Variants in THAP4 observed in about 807,000 individuals in gnomAD.
The protein encoded by THAP4 is THAP domain containing 4.
THAP4 carries 18 observed loss-of-function variants against 48.1 expected under a neutral mutation model. The ratio of observed to expected loss-of-function variants is 0.37; its 90% confidence interval spans 0.26 to 0.56. The LOEUF (loss-of-function observed/expected upper bound fraction) is 0.56, where lower values mean the gene tolerates loss of function less well. THAP4 is among the 20% of genes least tolerant of loss of function. The probability of loss-of-function intolerance (pLI) is 0.78; values close to 1 mark genes in which losing one functional copy is unlikely to be tolerated. For synonymous variants in THAP4, 345 were observed against 324.9 expected, an observed-to-expected ratio of 1.06 and a Z score of -0.66; for missense variants, 656 against 774.9, an observed-to-expected ratio of 0.85 and a Z score of 1.82.
chr2:241,636,900 CCGGGTCGGGG>C (rs1559239532), intron 1 of THAP4, 31 bp downstream of exon 1: 1 of 1,135,088 alleles, frequency 8.8e-7, no homozygotes, highest in Non-Finnish European at 1.1e-6. Context: ...CCCCGCAGGG[CCGGGTCGGGG>C]CGGGGGCGTG....
intron 5 of THAP4, among the ~76,000 whole-genome samples, chr2:241,595,717 C>G (rs1467050523): frequency 6.6e-6 from 1 of 152,206 alleles, no homozygotes; most frequent in East Asian, 1.9e-4. Context: ...ACAAACAAGG[C>G]AGCAGCAGTC....
intron 2 of THAP4, among the ~76,000 whole-genome samples, chr2:241,609,506 G>T (rs1026817684): frequency 1.3e-5 from 2 of 152,184 alleles, no homozygotes; most frequent in Non-Finnish European, 2.9e-5. Context: ...GCTTTGGGCC[G>T]GGCGCAATGG....
chr2:241,636,432 G>C (rs1015538610), intron 1 of THAP4, among the ~76,000 whole-genome samples: 5 of 152,204 alleles, frequency 3.3e-5, no homozygotes, highest in African/African-American at 9.6e-5. Flanking sequence ...GGCTCTAAGG[G>C]AGCGCAGGAG....
At chr2:241,588,665 C>G (rs181155609) in intron 5 of THAP4, among the ~76,000 whole-genome samples, 1 of 152,232 alleles carries the variant, frequency 6.6e-6, no homozygotes, top group African/African-American at 2.4e-5. Flanking sequence ...GCACTGCATA[C>G]TTTAATAAAT....
chr2:241,600,453 C>T (rs1471229325), intron 5 of THAP4, among the ~76,000 whole-genome samples: 1 of 152,006 alleles, frequency 6.6e-6, no homozygotes, highest in African/African-American at 2.4e-5. Flanking sequence ...ACAGGCTGGG[C>T]GCGGTGGCTC....
chr2:241,600,261 T>C (rs1476486403), intron 5 of THAP4, among the ~76,000 whole-genome samples: 1 of 152,184 alleles, frequency 6.6e-6, no homozygotes, highest in Non-Finnish European at 1.5e-5. Context: ...TTAATGTATG[T>C]ATGACATTCC....
At chr2:241,598,200 C>T (rs557202504) in intron 5 of THAP4, among the ~76,000 whole-genome samples, 4 of 152,232 alleles carry the variant, frequency 2.6e-5, no homozygotes, top group African/African-American at 7.2e-5. Flanking sequence ...CAAGTAAGAA[C>T]GTGGAGAGAC....
At chr2:241,614,356 G>A (rs558312264) in intron 2 of THAP4, among the ~76,000 whole-genome samples, 1 of 152,200 alleles carries the variant, frequency 6.6e-6, no homozygotes, top group South Asian at 2.1e-4. Context: ...TGGCTCTCCC[G>A]AATGAAGGGC....
At chr2:241,635,594 C>A (rs987616275) in intron 1 of THAP4, among the ~76,000 whole-genome samples, 3 of 151,902 alleles carry the variant, frequency 2.0e-5, no homozygotes, top group Non-Finnish European at 4.4e-5. Context: ...ATGGTGAAAC[C>A]CTGTCTCTAC....
chr2:241,630,128 C>T (rs555345994), intron 2 of THAP4, among the ~76,000 whole-genome samples: 5 of 152,276 alleles, frequency 3.3e-5, no homozygotes, highest in African/African-American at 4.8e-5. Context: ...TTGCTCCCCT[C>T]GCCCAATCTG....
chr2:241,616,068 A>T lies in THAP4; in HGVS notation c.1241-9595T>A, dbSNP rs1016854075. Among the ~76,000 whole-genome samples, 1 of 152,222 alleles carries T rather than the reference A, an allele frequency of 6.6e-6. No individual in the cohort carries two copies. The highest frequency in any genetic ancestry group is 1.5e-5 in the Non-Finnish European group (1 of 68,036). The stretch of plus-strand genomic sequence containing the variant: ...GGAGAACTCAGTCAGGGGGCTGGCA[A>T]GGACAGGTGAGCACAGCTGGCTCCT... On this transcript the variant is annotated intron_variant, in intron 2 of 5. Transcript: ENST00000407315. This position sits in a 1 kb window ranked among gnomAD's most constrained non-coding sequence, Gnocchi z 4.6.
chr2:241,584,632 C>G lies in THAP4; in HGVS notation c.1708G>C (p.Val570Leu), dbSNP rs146567363. 1 of 1,614,082 alleles carries G rather than the reference C, an allele frequency of 6.2e-7. No individual in the cohort carries two copies. The highest frequency in any genetic ancestry group is 8.5e-7 in the Non-Finnish European group (1 of 1,180,022). Residue 570 changes from valine to leucine, a missense_variant, in exon 6 of 6, where the codon GTC becomes CTC. Physicochemically the swap from Val to Leu is conservative, Grantham distance 32. Around this residue, in one of 4 missense-constraint regions of THAP4, gnomAD observed 176 missense variants for 256.7 expected, o/e 0.69. Coordinates refer to ENST00000407315, the MANE Select transcript of THAP4 (RefSeq NM_015963.6). ...TTQPMTQHLHVTYKKVTP is the reference protein window; with the variant it reads ...TTQPMTQHLHLTYKKVTP ...TACGGGGTCACCTTCTTGTAGGTGA[C>G]GTGAAGATGCTGAGTCATTGGCTGT...
intron 2 of THAP4, among the ~76,000 whole-genome samples, chr2:241,608,597 C>G (rs141318838): frequency 1.3e-5 from 2 of 152,198 alleles, no homozygotes; most frequent in African/African-American, 2.4e-5. Context: ...GCCTCTGGAA[C>G]GAGGCTTGTG....
At chr2:241,621,672 T>C (rs1258277205) in intron 2 of THAP4, among the ~76,000 whole-genome samples, 1 of 151,942 alleles carries the variant, frequency 6.6e-6, no homozygotes, top group Non-Finnish European at 1.5e-5. Flanking sequence ...TACATGAGCA[T>C]AATGGGAATG....
Position 241,633,032 on chromosome 2 carries a change from G to A in THAP4, c.1125C>T (p.Ser375=), listed in dbSNP as rs1016866431. 6 of 1,613,722 alleles carry A rather than the reference G, an allele frequency of 3.7e-6. No homozygotes were observed. In the African/African-American group the frequency reaches 6.7e-5, roughly 18 times the overall value. Residue 375 remains serine, a synonymous_variant, in exon 2 of 6, where the codon AGC becomes AGT. Coordinates refer to ENST00000407315, the MANE Select transcript of THAP4 (RefSeq NM_015963.6). This position sits in a 1 kb window ranked among gnomAD's most constrained non-coding sequence, Gnocchi z 7.5. ...QVEKKNGELK[S]LRQRVSRSDS... ...CGGAGCGGCTGACCCTCTGCCGCAGGCTCTTCAGCTCGCCGTTCTTCTTCT... is the reference window on the plus strand; with the variant it reads ...CGGAGCGGCTGACCCTCTGCCGCAGACTCTTCAGCTCGCCGTTCTTCTTCT...
intron 5 of THAP4, among the ~76,000 whole-genome samples, chr2:241,595,922 T>C (rs534900072): frequency 5.8e-4 from 88 of 152,236 alleles, no homozygotes; most frequent in African/African-American, 2.1e-3. Flanking sequence ...AGTTGGGACA[T>C]TTCACTCCTG....
chr2:241,600,651 C>A (rs1338737756), intron 5 of THAP4, among the ~76,000 whole-genome samples: 1 of 148,816 alleles, frequency 6.7e-6, no homozygotes, highest in African/African-American at 2.5e-5. Context: ...TGGCGTGAAC[C>A]CAGGAGGCAG....
At chr2:241,617,582 T>C in intron 2 of THAP4, 1 of 965,932 alleles carries the variant, frequency 1.0e-6, no homozygotes, top group South Asian at 1.6e-5. Context: ...AGATCACGTC[T>C]CAGAAGAAAG....
intron 2 of THAP4, among the ~76,000 whole-genome samples, chr2:241,623,139 C>T (rs1367284296): frequency 6.6e-6 from 1 of 152,082 alleles, no homozygotes; most frequent in African/African-American, 2.4e-5. Context: ...ATCACTTGAA[C>T]CAGGGAGTCG....
Sources: gnomAD v4.1 joint callset for allele counts (sites outside exome capture counted in the v4.1 genomes callset) on GRCh38, gnomAD v4.1.1 for gene constraint, gnomAD v4.1.1 regional missense constraint, Gnocchi (gnomAD v3.1) non-coding constraint, MANE v1.5 for transcripts, NCBI Gene and HGNC (gene_info 2026-07-23, HGNC 2026-07-21) for gene names.